KCNIP4: variants seen among roughly 807,000 people sequenced by gnomAD.
The protein encoded by KCNIP4 is potassium voltage-gated channel interacting protein 4.
Under a neutral mutation model 34.0 loss-of-function variants are expected in KCNIP4, and 12 were observed. The observed-to-expected ratio is 0.35, with a 90% CI of 0.23 to 0.57. The LOEUF is 0.57. Among genes scored for constraint, KCNIP4 ranks in the 20% least tolerant of loss-of-function variants. The pLI is 0.83. For synonymous variants in KCNIP4, 124 were observed against 102.2 expected, an observed-to-expected ratio of 1.21 and a Z score of -1.29; for missense variants, 238 against 311.7, an observed-to-expected ratio of 0.76 and a Z score of 1.78.
chr4:21,183,833 A>T (rs1755021541), intron 1 of KCNIP4, among the ~76,000 whole-genome samples: 1 of 151,622 alleles, frequency 6.6e-6, no homozygotes, highest in Admixed American at 6.6e-5. Context: ...TACAATATGG[A>T]TTCTCTCTTA....
chr4:21,125,989 T>C (rs886720601), intron 1 of KCNIP4, among the ~76,000 whole-genome samples: 7 of 152,048 alleles, frequency 4.6e-5, no homozygotes, highest in African/African-American at 1.7e-4. Flanking sequence ...AATTTCTTTT[T>C]AGTCGTTACA....
intron 1 of KCNIP4, among the ~76,000 whole-genome samples, chr4:21,653,516 T>C (rs1192470083): frequency 6.6e-6 from 1 of 152,202 alleles, no homozygotes; most frequent in Non-Finnish European, 1.5e-5. Flanking sequence ...AACACATACA[T>C]ACATATTCAT....
intron 1 of KCNIP4, among the ~76,000 whole-genome samples, chr4:21,455,899 C>T (rs1303227087): frequency 4.6e-5 from 5 of 109,328 alleles, no homozygotes; most frequent in Admixed American, 9.6e-5. Flanking sequence ...TAGGATTTTC[C>T]GTATTAGGCT....
chr4:21,151,686 A>G (rs2109247371), intron 1 of KCNIP4, among the ~76,000 whole-genome samples: 1 of 152,052 alleles, frequency 6.6e-6, no homozygotes, highest in East Asian at 1.9e-4. Context: ...TCAGCATATT[A>G]ATTTTGAGGG....
rs138344622 is a variant in KCNIP4 at position 20,830,123 on chromosome 4, G to A, written c.288+20420C>T. Among the ~76,000 whole-genome samples, 658 of 152,238 alleles carry A rather than the reference G, an allele frequency of 4.3e-3. 2 individuals carry two copies. Among genetic ancestry groups the A allele is most frequent in the African/African-American group, 6.9e-3 (285 of 41,536 alleles). ...AGAGTCATCTCTGAATAGGAACTGA[G>A]ATACATAGGCTAAATGACATCATGG... On this transcript the variant is annotated intron_variant, in intron 3 of 8. Transcript: ENST00000382152.
At chr4:21,682,608 C>T (rs773901677) in intron 1 of KCNIP4, among the ~76,000 whole-genome samples, 16 of 152,208 alleles carry the variant, frequency 1.1e-4, no homozygotes, top group Non-Finnish European at 1.9e-4. Flanking sequence ...TGGCTTTGGA[C>T]ATGCCCTCCT....
Position 21,564,467 on chromosome 4 carries a change from A to C in KCNIP4, c.61+384104T>G, listed in dbSNP as rs867010781. ...CTTCCTTTGCACATGACCCAGGATC[A>C]TAAGTGGGGGACCTTCTATTTGCTC... On this transcript the variant is annotated intron_variant, in intron 1 of 8. Coordinates refer to ENST00000382152, the MANE Select transcript of KCNIP4 (RefSeq NM_025221.6). Among the ~76,000 whole-genome samples the C allele has an allele frequency of 2.0e-5, 3 of 152,286 alleles. No individual in the cohort carries two copies. In the South Asian group the frequency reaches 6.2e-4, roughly 32 times the overall value.
At chr4:21,271,973 T>TATTTTTAAAA (rs1160436650) in intron 1 of KCNIP4, among the ~76,000 whole-genome samples, 1 of 152,172 alleles carries the variant, frequency 6.6e-6, no homozygotes, top group African/African-American at 2.4e-5. Flanking sequence ...CATTTTACTG[T>TATTTTTAAAA]ATTTTTAAAA....
At chr4:20,908,875 G>A (rs1385908048) in intron 1 of KCNIP4, among the ~76,000 whole-genome samples, 1 of 152,184 alleles carries the variant, frequency 6.6e-6, no homozygotes, top group Non-Finnish European at 1.5e-5. Context: ...TTCATGAAAA[G>A]TGCTTTATTT....
chr4:21,644,320 A>G (rs544595280), intron 1 of KCNIP4, among the ~76,000 whole-genome samples: 1 of 152,298 alleles, frequency 6.6e-6, no homozygotes, highest in African/African-American at 2.4e-5. Context: ...GTAAGCTTAC[A>G]GAACTCATGT....
chr4:21,038,263 C>G (rs1036909026), intron 1 of KCNIP4, among the ~76,000 whole-genome samples: 2 of 152,230 alleles, frequency 1.3e-5, no homozygotes, highest in African/African-American at 4.8e-5. Context: ...GCGTGAGCCA[C>G]CATGCCCGGC....
chr4:21,115,624 C>T (rs1023451161), intron 1 of KCNIP4, among the ~76,000 whole-genome samples: 1 of 151,982 alleles, frequency 6.6e-6, no homozygotes, highest in African/African-American at 2.4e-5. Context: ...CCAAGCAAAG[C>T]CTAAATACCT....
intron 1 of KCNIP4, among the ~76,000 whole-genome samples, chr4:21,649,399 G>C (rs1241591099): frequency 6.6e-6 from 1 of 152,106 alleles, no homozygotes; most frequent in African/African-American, 2.4e-5. Context: ...ACTACATACT[G>C]ATGCTATAAG....
At chr4:21,372,911 AG>A (rs1281170493) in intron 1 of KCNIP4, among the ~76,000 whole-genome samples, 11 of 146,116 alleles carry the variant, frequency 7.5e-5, no homozygotes, top group Non-Finnish European at 4.4e-5. Context: ...CCAATTTGAC[AG>A]GTAGGTGGGT....
intron 1 of KCNIP4, among the ~76,000 whole-genome samples, chr4:21,393,882 A>G (rs1722757115): frequency 6.6e-6 from 1 of 152,186 alleles, no homozygotes. Context: ...CACTCCAATA[A>G]TTAATCTTGT....
At chr4:21,823,566 G>A (rs2109294388) in intron 1 of KCNIP4, among the ~76,000 whole-genome samples, 1 of 150,490 alleles carries the variant, frequency 6.6e-6, no homozygotes, top group African/African-American at 2.4e-5. Flanking sequence ...CAATACACTG[G>A]TACATTTTTT....
intron 1 of KCNIP4, among the ~76,000 whole-genome samples, chr4:21,710,696 A>G (rs1002225662): frequency 6.6e-6 from 1 of 152,174 alleles, no homozygotes; most frequent in South Asian, 2.1e-4. Flanking sequence ...TCTCTCAAGG[A>G]CTAAAGTTGG....
chr4:21,864,296 A>G (rs1432571052), intron 1 of KCNIP4, among the ~76,000 whole-genome samples: 2 of 152,232 alleles, frequency 1.3e-5, no homozygotes. Context: ...AGGGAAACAC[A>G]ATAGGTAACA....
At chr4:20,912,909 G>T (rs1334705272) in intron 1 of KCNIP4, among the ~76,000 whole-genome samples, 2 of 152,100 alleles carry the variant, frequency 1.3e-5, no homozygotes, top group African/African-American at 4.8e-5. Context: ...GAAGATATTA[G>T]AACTCTCATT....
Sources: allele counts gnomAD v4.1 joint callset (sites outside exome capture counted in the v4.1 genomes callset), GRCh38; gene constraint gnomAD v4.1.1; transcripts MANE v1.5; gene names NCBI Gene and HGNC (gene_info 2026-07-23, HGNC 2026-07-21).